Variants in TNKS2 observed in about 807,000 individuals in gnomAD.
TNKS2 encodes poly [ADP-ribose] polymerase tankyrase-2.
Under a neutral mutation model 137.6 loss-of-function variants are expected in TNKS2, and 72 were observed. The observed-to-expected ratio is 0.52, with a 90% CI of 0.43 to 0.64. The LOEUF is 0.64. Ranked by LOEUF, TNKS2 falls within the 30% of genes least tolerant of loss-of-function variation. TNKS2 has a pLI of 0.00. For synonymous variants in TNKS2, 516 were observed against 512.1 expected, an observed-to-expected ratio of 1.01 and a Z score of -0.10; for missense variants, 1,049 against 1,410.2, an observed-to-expected ratio of 0.74 and a Z score of 4.10.
intron 2 of TNKS2, among the ~76,000 whole-genome samples, chr10:91,813,459 C>G (rs1440946570): frequency 6.6e-6 from 1 of 151,964 alleles, no homozygotes; most frequent in Admixed American, 6.6e-5. Context: ...TACAAAGAGC[C>G]AGATAAAGGC....
chr10:91,810,059 A>G (rs550147827), intron 1 of TNKS2, among the ~76,000 whole-genome samples: 20 of 152,162 alleles, frequency 1.3e-4, no homozygotes, highest in Non-Finnish European at 2.6e-4. Context: ...CATGACCTGC[A>G]CTTATTATAA....
intron 1 of TNKS2, among the ~76,000 whole-genome samples, chr10:91,801,460 T>C (rs771384274): frequency 2.7e-4 from 40 of 150,228 alleles, no homozygotes; most frequent in Non-Finnish European, 5.6e-4. Context: ...TACGCAGATA[T>C]ACACAAGACA....
chr10:91,807,126 T>C, intron 1 of TNKS2: 1 of 1,490,838 alleles, frequency 6.7e-7, no homozygotes, highest in Non-Finnish European at 9.3e-7. Context: ...CTTTCTCTAA[T>C]TCAAAAGATA....
intron 1 of TNKS2, among the ~76,000 whole-genome samples, chr10:91,803,683 G>A (rs1244829829): frequency 2.0e-5 from 3 of 152,226 alleles, no homozygotes; most frequent in Non-Finnish European, 4.4e-5. Context: ...GAAAAAATGT[G>A]TCACTGAGAG....
chr10:91,842,112 C>T, intron 15 of TNKS2, 60 bp from the exon 16 acceptor site: 6 of 1,213,722 alleles, frequency 4.9e-6, no homozygotes, highest in Non-Finnish European at 5.9e-6. Context: ...ACTATTTTCT[C>T]ATTGACCAAA....
At chr10:91,854,132 CTG>C (rs145149138) in intron 21 of TNKS2, among the ~76,000 whole-genome samples, 27,629 of 152,062 alleles carry the variant, frequency 0.18, 2,594 homozygotes, top group Middle Eastern at 0.28. Flanking sequence ...AGGTGGTAAA[CTG>C]TGGATTTCTC....
At chr10:91,831,664 G>A (rs1172721909) in intron 11 of TNKS2, among the ~76,000 whole-genome samples, 2 of 152,122 alleles carry the variant, frequency 1.3e-5, no homozygotes, top group Admixed American at 6.5e-5. Flanking sequence ...ATGTTGGTAA[G>A]TTACTGTTCT....
chr10:91,862,030 A>G lies in TNKS2; in HGVS notation c.3313A>G (p.Lys1105Glu). The G allele has an allele frequency of 6.2e-7, 1 of 1,611,190 alleles. No homozygotes were observed. Among genetic ancestry groups the G allele is most frequent in the Non-Finnish European group, 8.5e-7 (1 of 1,178,452 alleles). Residue 1105 changes from lysine to glutamate, a missense_variant, in exon 26 of 27, where the codon AAG (lysine) becomes GAG (glutamate). By Grantham distance (56) the Lys-to-Glu change is moderately conservative. This residue lies in a region of TNKS2 where 133 missense variants were observed against 248.4 expected (regional missense o/e 0.54). Transcript: ENST00000371627. The part of the protein sequence containing the change: ...QLLFCRVTLG[K>E]SFLQFSAMKM... ...GCTCTTTTGCCGGGTAACCTTGGGAAAGTCTTTCCTGCAGTTCAGTGCAAT... is the reference window on the plus strand; with the variant it reads ...GCTCTTTTGCCGGGTAACCTTGGGAGAGTCTTTCCTGCAGTTCAGTGCAAT...
Position 91,828,392 on chromosome 10 carries a change from C to T in TNKS2, c.1090C>T (p.His364Tyr). ...GGTGAATTTCAAGCATCCTCAAACA[C>T]ATGAAACAGCATTGGTAATGTTTCA... ...EMVNFKHPQT[H>Y]ETALHCAAAS... is the part of the protein sequence containing the mutation. Residue 364 changes from histidine to tyrosine, a missense_variant, in exon 9 of 27, where the codon CAT becomes TAT. His to Tyr is a moderately conservative substitution (Grantham distance 83). Around this residue, in one of 6 missense-constraint regions of TNKS2, gnomAD observed 374 missense variants for 460.8 expected, o/e 0.81. Transcript: ENST00000371627. 6.3e-7 allele frequency: 1 copy of T among 1,587,054 alleles called. No homozygotes were observed. Among genetic ancestry groups the T allele is most frequent in the South Asian group, 1.2e-5 (1 of 85,760 alleles).
intron 13 of TNKS2, among the ~76,000 whole-genome samples, chr10:91,837,298 T>A (rs1055160252): frequency 6.6e-5 from 10 of 152,202 alleles, no homozygotes; most frequent in African/African-American, 2.2e-4. Context: ...ATAAAGTTTA[T>A]CAAATTATTT....
At chr10:91,816,550 C>T (rs987635620) in intron 2 of TNKS2, among the ~76,000 whole-genome samples, 4 of 152,172 alleles carry the variant, frequency 2.6e-5, no homozygotes, top group Middle Eastern at 6.3e-3. Flanking sequence ...CAAATACAAG[C>T]AGGCTCCTGT....
Position 91,833,964 on chromosome 10 carries a change from T to A in TNKS2, c.1387T>A (p.Ser463Thr), listed in dbSNP as rs1374348375. The change falls in exon 12 of 27, where the codon TCC (serine) becomes ACC (threonine). Residue 463 changes from serine to threonine, a missense_variant. Physicochemically the swap from Ser to Thr is moderately conservative, Grantham distance 58. This residue lies in a region of TNKS2 where 328 missense variants were observed against 436.0 expected (regional missense o/e 0.75). Coordinates refer to ENST00000371627, the MANE Select transcript of TNKS2 (RefSeq NM_025235.4). The part of the protein sequence containing the change: ...LSYGCDPNII[S>T]LQGFTALQMG... ...CTATGGGTGTGATCCTAACATTATATCCCTTCAGGGCTTTACTGCTTTACA... is the reference window on the plus strand; with the variant it reads ...CTATGGGTGTGATCCTAACATTATAACCCTTCAGGGCTTTACTGCTTTACA... 1.2e-6 allele frequency: 2 copies of A among 1,613,804 alleles called. No homozygotes were observed. Among genetic ancestry groups the A allele is most frequent in the South Asian group, 2.2e-5 (2 of 91,018 alleles).
intron 7 of TNKS2, among the ~76,000 whole-genome samples, chr10:91,826,048 A>C (rs1390544978): frequency 6.6e-6 from 1 of 152,250 alleles, no homozygotes; most frequent in African/African-American, 2.4e-5. Context: ...GAAGTGTTTT[A>C]GATTTCAGAT....
At chr10:91,812,903 A>G in intron 1 of TNKS2, 80 bp from the exon 2 acceptor site, 2 of 1,525,842 alleles carry the variant, frequency 1.3e-6, no homozygotes, top group Non-Finnish European at 1.8e-6. Flanking sequence ...AACCTGAAAC[A>G]TTTTAGTATG....
chr10:91,817,660 A>AT (rs1844753211), intron 3 of TNKS2, among the ~76,000 whole-genome samples: 1 of 152,088 alleles, frequency 6.6e-6, no homozygotes, highest in Admixed American at 6.6e-5. Context: ...ATGTATTTTA[A>AT]TTTTGATGGA....
intron 13 of TNKS2, among the ~76,000 whole-genome samples, chr10:91,839,050 G>T (rs983371767): frequency 6.6e-6 from 1 of 152,056 alleles, no homozygotes; most frequent in African/African-American, 2.4e-5. Context: ...TGTATTTTTA[G>T]TAGAGACGGT....
chr10:91,809,941 G>T (rs867602454), intron 1 of TNKS2, among the ~76,000 whole-genome samples: 2 of 152,300 alleles, frequency 1.3e-5, no homozygotes, highest in Middle Eastern at 6.8e-3. Context: ...TTGGGTCTTT[G>T]TGAGGGGAAG....
intron 1 of TNKS2, among the ~76,000 whole-genome samples, chr10:91,810,345 TC>T (rs1474734661): frequency 6.6e-6 from 1 of 151,594 alleles, no homozygotes; most frequent in Non-Finnish European, 1.5e-5. Context: ...GCCATTGCAC[TC>T]CAGCCTGGGT....
intron 14 of TNKS2, 37 bp downstream of exon 14, chr10:91,840,743 CT>C: frequency 6.4e-7 from 1 of 1,563,646 alleles, no homozygotes; most frequent in South Asian, 1.2e-5. Context: ...CTCTTCCTTA[CT>C]TTTACTTGAC....
Sources: gnomAD v4.1 joint callset for allele counts (sites outside exome capture counted in the v4.1 genomes callset) on GRCh38, gnomAD v4.1.1 for gene constraint, gnomAD v4.1.1 regional missense constraint, MANE v1.5 for transcripts, NCBI Gene and HGNC (gene_info 2026-07-23, HGNC 2026-07-21) for gene names.